STXBP2: variants seen among roughly 807,000 people sequenced by gnomAD.
The protein encoded by STXBP2 is syntaxin-binding protein 2.
A neutral mutation model predicts 72.2 loss-of-function variants in STXBP2; 47 were observed. That is an observed-to-expected ratio of 0.65 (90% CI 0.51 to 0.83). The LOEUF is 0.83. STXBP2 is among the 40% of genes least tolerant of loss of function. STXBP2 has a pLI of 0.00. For synonymous variants in STXBP2, 367 were observed against 338.7 expected (o/e 1.08, Z -0.92); for missense variants, 702 against 807.6 (o/e 0.87, Z 1.58).
At chr19:7,644,818 T>C in intron 14 of STXBP2, 66 bp downstream of exon 14, 1 of 1,610,458 alleles carries the variant, frequency 6.2e-7, no homozygotes. Flanking sequence ...TCCTGGGAAC[T>C]GCTGAACCCC....
At chr19:7,631,173 C>A in the STXBP2 span, 1 of 1,196,624 alleles carries the variant, frequency 8.4e-7, no homozygotes, top group East Asian at 2.8e-5. Context: ...CACGCCACTG[C>A]ACTCCAGCCT....
upstream of STXBP2, chr19:7,636,976 T>A (rs2031559278): frequency 2.4e-5 from 15 of 620,354 alleles, no homozygotes; most frequent in Non-Finnish European, 3.0e-5. Context: ...CTGCCCGTCC[T>A]CCCCGCCAGG....
At chr19:7,637,270 A>T in intron 1 of STXBP2, 84 bp downstream of exon 1, 2 of 985,936 alleles carry the variant, frequency 2.0e-6, no homozygotes, top group Non-Finnish European at 2.4e-6. Context: ...CCTGGGTTTC[A>T]TGGCGGCTGG....
the STXBP2 span, chr19:7,631,839 G>A: frequency 1.5e-6 from 2 of 1,378,998 alleles, no homozygotes; most frequent in Non-Finnish European, 1.9e-6. Flanking sequence ...GCCAGGGGGA[G>A]GGCTCAAGGG....
chr19:7,643,695 GA>G (rs1161282753), intron 13 of STXBP2, among the ~76,000 whole-genome samples: 4 of 151,110 alleles, frequency 2.6e-5, no homozygotes, highest in Non-Finnish European at 5.9e-5. Context: ...GGCCCTGGGA[GA>G]GGGGCGGAGC....
chr19:7,640,867 C>T, intron 5 of STXBP2, 33 bp from the exon 6 acceptor site: 11 of 1,613,638 alleles, frequency 6.8e-6, no homozygotes, highest in South Asian at 1.1e-5. Flanking sequence ...GGGGGCTGCT[C>T]TGGCCTGATG....
chr19:7,640,376 G>A (rs1443363318), intron 4 of STXBP2: 1 of 577,020 alleles, frequency 1.7e-6, no homozygotes. Flanking sequence ...GCGTGTGTGT[G>A]CGCATCAGTG....
At chr19:7,646,928 G>A (rs1309961357) in intron 16 of STXBP2, 2 of 594,300 alleles carry the variant, frequency 3.4e-6, no homozygotes, top group East Asian at 2.8e-5. Flanking sequence ...TTAGACTTCT[G>A]GGTACCCAAG....
In STXBP2 at chr19:7,641,701, C is replaced by G; in HGVS notation, c.430-4C>G. The G allele has an allele frequency of 6.4e-7, 1 of 1,552,970 alleles. No individual in the cohort carries two copies. The highest frequency in any genetic ancestry group is 8.7e-7 in the Non-Finnish European group (1 of 1,148,548). Reference sequence around the variant, plus strand: ...CCTGGTGCTTCTGTCCCCTCCTCGCCCAGGTGTTCTCCCTCGATGCTCCCC... The same window carrying G: ...CCTGGTGCTTCTGTCCCCTCCTCGCGCAGGTGTTCTCCCTCGATGCTCCCC... On this transcript the variant is annotated splice_polypyrimidine_tract_variant and splice_region_variant and intron_variant, in intron 6 of 18. Transcript: ENST00000221283.
chr19:7,646,849 G>A, intron 16 of STXBP2: 1 of 507,940 alleles, frequency 2.0e-6, no homozygotes, highest in African/African-American at 1.9e-5. Flanking sequence ...CCAAAGGGCT[G>A]GGGGTATTGA....
At chr19:7,632,967 AT>A (rs1185443166), upstream of STXBP2, 2 of 1,467,930 alleles carry the variant, frequency 1.4e-6, no homozygotes, top group Non-Finnish European at 1.8e-6. This position sits in a 1 kb window ranked among gnomAD's most constrained non-coding sequence, Gnocchi z 5.2. Context: ...GTCCCCGCCG[AT>A]CCTCTCTGCA....
the STXBP2 span, chr19:7,630,358 C>T: frequency 1.7e-6 from 1 of 586,452 alleles, no homozygotes; most frequent in Non-Finnish European, 3.0e-6. Flanking sequence ...AAGACTCCAG[C>T]TCAGAGGGAA....
In STXBP2 at chr19:7,642,945, G is replaced by GC. The variant is rs770921575; in HGVS notation, c.961-32dup. 22 of 1,613,450 alleles carry GC rather than the reference G, an allele frequency of 1.4e-5. No homozygotes were observed. In the African/African-American group the frequency reaches 2.0e-4, roughly 15 times the overall value. ...ACCCAGGTGGGCACTGCCTGGCTTC[G>GC]CCCCCCAATCCCTACCCTCTTCCCC... is the stretch of plus-strand genomic sequence containing the variant. On this transcript the variant is annotated intron_variant, in intron 11 of 18. Transcript: ENST00000221283. The surrounding 1 kb of genome is among the most constrained non-coding windows in gnomAD (Gnocchi z 6.0).
chr19:7,639,906 A>G lies in STXBP2; in HGVS notation c.246+99A>G, dbSNP rs781654666. 1.6e-5 allele frequency: 21 copies of G among 1,298,238 alleles called. No individual in the cohort carries two copies. The Admixed American group carries it at 3.3e-4, about 21-fold the overall frequency. The allele number at this position is 1,298,238 out of a possible 1,614,324, so 80.4% of individuals were successfully genotyped here. A position where few individuals can be genotyped will look rare whatever the true frequency, so the allele number is the denominator to read the frequency against. ...CATGTGATTGCATGTGTGCATGTGT[A>G]TACGTGTGCATGTGTCCATGTGTAT... On this transcript the variant is annotated intron_variant, in intron 4 of 18. Coordinates refer to ENST00000221283, the MANE Select transcript of STXBP2 (RefSeq NM_006949.4).
chr19:7,646,634 G>A (rs117617297), intron 16 of STXBP2: 6,822 of 510,260 alleles, frequency 0.013, 320 homozygotes, highest in Admixed American at 0.12. Flanking sequence ...CTGAGCCCCA[G>A]CCCTGGCCTT....
intron 4 of STXBP2, chr19:7,640,138 G>A: frequency 3.5e-6 from 2 of 571,362 alleles, no homozygotes; most frequent in Non-Finnish European, 6.6e-6. Context: ...ATGTATGTGT[G>A]TGTGCATCTG....
rs961816110 is a variant in STXBP2, at chr19:7,641,941, C to T, written c.578+88C>T. 30 of 1,604,580 alleles carry T rather than the reference C, an allele frequency of 1.9e-5. No homozygotes were observed. The South Asian group carries it at 3.2e-4, about 17-fold the overall frequency. ...CCTTTAACCTCTCTTGTGACCCCAG[C>T]CCCGGCCCTACCCTGGCCCCTGACT... is the stretch of plus-strand genomic sequence containing the variant. On this transcript the variant is annotated intron_variant, in intron 7 of 18. Transcript: ENST00000221283.
chr19:7,645,093 TTC>T (rs2032079158), intron 14 of STXBP2, 102 bp from the exon 15 acceptor site: 1 of 1,473,344 alleles, frequency 6.8e-7, no homozygotes, highest in South Asian at 1.2e-5. Context: ...CACTGCAAGG[TTC>T]TCTCATCAGA....
chr19:7,639,586 T>C, intron 3 of STXBP2, 145 bp from the exon 4 acceptor site: 1 of 744,608 alleles, frequency 1.3e-6, no homozygotes, highest in Non-Finnish European at 2.4e-6. Context: ...GGCTCTTAGC[T>C]GGTGGTCCCT....
Sources: allele counts gnomAD v4.1 joint callset (sites outside exome capture counted in the v4.1 genomes callset), GRCh38; gene constraint gnomAD v4.1.1; non-coding constraint Gnocchi (gnomAD v3.1); transcripts MANE v1.5; gene names NCBI Gene and HGNC (gene_info 2026-07-23, HGNC 2026-07-21).